TXNRD1: variants seen among roughly 807,000 people sequenced by gnomAD.
TXNRD1 encodes the protein thioredoxin reductase 1.
In TXNRD1, 57 loss-of-function variants were observed where a neutral mutation model predicts 80.3. That is an observed-to-expected ratio of 0.71 (90% CI 0.57 to 0.89). The LOEUF (loss-of-function observed/expected upper bound fraction) is 0.89. Ranked by LOEUF, TXNRD1 falls within the 40% of genes least tolerant of loss-of-function variation. The pLI, the probability that TXNRD1 is intolerant of heterozygous loss-of-function variation, is 0.00. For missense variants in TXNRD1, 730 were observed against 803.0 expected (o/e 0.91, Z 1.10); for synonymous variants, 291 against 285.2 (o/e 1.02, Z -0.20).
intron 15 of TXNRD1, among the ~76,000 whole-genome samples, chr12:104,335,688 T>A (rs932419077): frequency 6.6e-6 from 1 of 152,192 alleles, no homozygotes; most frequent in Non-Finnish European, 1.5e-5. Context: ...AGAAAACTGA[T>A]CTTTTTAACT....
intron 4 of TXNRD1, among the ~76,000 whole-genome samples, chr12:104,292,145 C>G (rs2034241298): frequency 6.6e-6 from 1 of 152,230 alleles, no homozygotes; most frequent in Non-Finnish European, 1.5e-5. Flanking sequence ...AAAACCTACC[C>G]TGCTTTCACA....
intron 16 of TXNRD1, among the ~76,000 whole-genome samples, chr12:104,347,593 C>G: frequency 6.6e-6 from 1 of 152,182 alleles, no homozygotes; most frequent in Non-Finnish European, 1.5e-5. Flanking sequence ...TGTACTCCAG[C>G]TCTGTGTGCA....
intron 3 of TXNRD1, among the ~76,000 whole-genome samples, chr12:104,267,175 AAAAAAT>A (rs2033511887): frequency 1.1e-5 from 1 of 93,150 alleles, no homozygotes; most frequent in African/African-American, 4.1e-5. Context: ...CAAAAAAAAA[AAAAAAT>A]AATATAATAA....
intron 1 of TXNRD1, among the ~76,000 whole-genome samples, chr12:104,216,433 C>G (rs1333860616): frequency 2.6e-5 from 4 of 152,224 alleles, no homozygotes; most frequent in African/African-American, 9.7e-5. Context: ...GGGCACATTT[C>G]TCCCACCATC....
At chr12:104,339,545 A>G in intron 16 of TXNRD1, 2 of 519,608 alleles carry the variant, frequency 3.8e-6, no homozygotes. Context: ...CTTCTAAATT[A>G]TTTTCATGGC....
At chr12:104,334,735 T>C (rs2036074823) in intron 15 of TXNRD1, among the ~76,000 whole-genome samples, 1 of 152,200 alleles carries the variant, frequency 6.6e-6, no homozygotes, top group African/African-American at 2.4e-5. Context: ...GTATTTCGCG[T>C]GCCAGTTGTC....
chr12:104,312,567 A>G (rs1355399881), intron 5 of TXNRD1, among the ~76,000 whole-genome samples: 1 of 152,040 alleles, frequency 6.6e-6, no homozygotes, highest in Non-Finnish European at 1.5e-5. Flanking sequence ...GTGTAGACTC[A>G]GTCCTTTCAA....
chr12:104,273,451 G>A (rs2033696569), intron 3 of TXNRD1, among the ~76,000 whole-genome samples: 1 of 152,062 alleles, frequency 6.6e-6, no homozygotes, highest in Non-Finnish European at 1.5e-5. Context: ...AAATTAGCCA[G>A]GCATGGTGGT....
At chr12:104,323,800 G>T (rs1228993444) in intron 10 of TXNRD1, among the ~76,000 whole-genome samples, 1 of 102,134 alleles carries the variant, frequency 9.8e-6, no homozygotes, top group African/African-American at 3.2e-5. Context: ...CTGGCCGGGC[G>T]GGGGGGCTGA....
chr12:104,234,447 A>C (rs1419065658), intron 1 of TXNRD1, among the ~76,000 whole-genome samples: 2 of 151,854 alleles, frequency 1.3e-5, no homozygotes, highest in Non-Finnish European at 2.9e-5. Context: ...AGCACGCACC[A>C]CCATGCCTGG....
At chr12:104,314,723 C>T (rs1329845189) in intron 6 of TXNRD1, among the ~76,000 whole-genome samples, 8 of 149,922 alleles carry the variant, frequency 5.3e-5, no homozygotes, top group Non-Finnish European at 8.9e-5. Context: ...TGCACATATA[C>T]ACCAAAATTT....
chr12:104,341,114 G>T (rs1442772867), intron 16 of TXNRD1, among the ~76,000 whole-genome samples: 1 of 152,190 alleles, frequency 6.6e-6, no homozygotes, highest in East Asian at 1.9e-4. Context: ...GAAGGATGCA[G>T]TGAGGACACA....
At chr12:104,234,044 C>A (rs1287539203) in intron 1 of TXNRD1, among the ~76,000 whole-genome samples, 1 of 152,158 alleles carries the variant, frequency 6.6e-6, no homozygotes, top group Non-Finnish European at 1.5e-5. Context: ...TTACAATCTT[C>A]AAAGCTATTA....
At chr12:104,223,045 A>G (rs1278372518) in intron 1 of TXNRD1, among the ~76,000 whole-genome samples, 2 of 152,182 alleles carry the variant, frequency 1.3e-5, no homozygotes, top group African/African-American at 2.4e-5. Context: ...TTGAAAGGAC[A>G]TTTAGTCAAC....
intron 9 of TXNRD1, among the ~76,000 whole-genome samples, chr12:104,320,418 C>G (rs1376598478): frequency 6.6e-6 from 1 of 152,178 alleles, no homozygotes; most frequent in African/African-American, 2.4e-5. Context: ...ATGGCCTAAT[C>G]ACCTCCCAAA....
At chr12:104,307,735 A>C (rs570517729) in intron 4 of TXNRD1, among the ~76,000 whole-genome samples, 1 of 152,176 alleles carries the variant, frequency 6.6e-6, no homozygotes, top group Non-Finnish European at 1.5e-5. Flanking sequence ...GCCACAGTTG[A>C]ATTGCTTTCT....
At chr12:104,271,051 C>T (rs1381740177) in intron 3 of TXNRD1, among the ~76,000 whole-genome samples, 1 of 152,072 alleles carries the variant, frequency 6.6e-6, no homozygotes, top group Non-Finnish European at 1.5e-5. Context: ...CTCAGTTTCA[C>T]GTGCATCCGT....
chr12:104,338,134 C>G (rs534814287), intron 15 of TXNRD1, among the ~76,000 whole-genome samples: 1 of 151,780 alleles, frequency 6.6e-6, no homozygotes, highest in African/African-American at 2.4e-5. Flanking sequence ...AGGGTCCCAG[C>G]TATTACAGAT....
intron 15 of TXNRD1, 82 bp downstream of exon 15, chr12:104,334,414 G>T (rs2036062608): frequency 9.9e-6 from 8 of 804,294 alleles, no homozygotes; most frequent in Non-Finnish European, 1.4e-5. Context: ...ATGGAGTCTT[G>T]CTCTGTTGCC....
Sources: gnomAD v4.1 joint callset for allele counts (sites outside exome capture counted in the v4.1 genomes callset) on GRCh38, gnomAD v4.1.1 for gene constraint, MANE v1.5 for transcripts, NCBI Gene and HGNC (gene_info 2026-07-23, HGNC 2026-07-21) for gene names.